The following LAMC1 variants were observed in gnomAD, a reference collection of about 807,000 sequenced individuals.
The protein encoded by LAMC1 is laminin subunit gamma 1, also known as laminin subunit gamma-1.
In LAMC1, 38 loss-of-function variants were observed where a neutral mutation model predicts 173.6. The ratio of observed to expected loss-of-function variants is 0.22; its 90% CI spans 0.17 to 0.29. The LOEUF is 0.29. LAMC1 is among the 10% of genes least tolerant of loss of function. LAMC1 has a pLI of 1.00. For missense variants in LAMC1, 1,824 were observed against 2,051.8 expected, an observed-to-expected ratio of 0.89 and a Z score of 2.14; for synonymous variants, 746 against 749.1, an observed-to-expected ratio of 1.00 and a Z score of 0.07.
chr1:183,044,116 G>C (rs1654206595), intron 1 of LAMC1, among the ~76,000 whole-genome samples: 1 of 152,038 alleles, frequency 6.6e-6, no homozygotes, highest in Non-Finnish European at 1.5e-5. Context: ...TGCCTGTTGT[G>C]TTCTGTCAGC....
chr1:183,136,332 CCCCTTT>C (rs771454140), intron 24 of LAMC1, 48 bp from the exon 25 acceptor site: 8 of 1,495,006 alleles, frequency 5.4e-6, no homozygotes, highest in Non-Finnish European at 7.5e-6. Flanking sequence ...CCTGAAAGGC[CCCCTTT>C]TTACTTGTTG....
At chr1:183,097,348 T>G (rs1209977540) in intron 1 of LAMC1, among the ~76,000 whole-genome samples, 2 of 152,214 alleles carry the variant, frequency 1.3e-5, no homozygotes, top group African/African-American at 4.8e-5. Context: ...AGCATTCCTT[T>G]TCTGACTTCC....
At chr1:183,045,474 T>A (rs1479878941) in intron 1 of LAMC1, among the ~76,000 whole-genome samples, 2 of 152,086 alleles carry the variant, frequency 1.3e-5, no homozygotes, top group Non-Finnish European at 2.9e-5. Context: ...AATTGGCAAC[T>A]TGCCAATTGA....
chr1:183,113,116 G>A (rs545967915), intron 4 of LAMC1, among the ~76,000 whole-genome samples: 1 of 152,190 alleles, frequency 6.6e-6, no homozygotes, highest in South Asian at 2.1e-4. Flanking sequence ...TTTGAGACCA[G>A]TCTGAGCAAC....
chr1:183,029,908 C>CA (rs1653805544), intron 1 of LAMC1, among the ~76,000 whole-genome samples: 2 of 152,106 alleles, frequency 1.3e-5, no homozygotes, highest in South Asian at 4.1e-4. Context: ...GCCCTGACCT[C>CA]ATTCTTAGAT....
Position 183,023,987 on chromosome 1 carries a change from C to T in LAMC1, c.271C>T (p.Leu91=), listed in dbSNP as rs1653610948. The change falls in exon 1 of 28, where the codon CTG becomes TTG. Residue 91 remains leucine (L), a synonymous_variant. Transcript: ENST00000258341. The stretch of plus-strand genomic sequence containing the variant: ...GACCGGGGTCACCAAGTCCTGTCAC[C>T]TGTGCGACGCCGGGCAGCCCCACCT... The part of the protein sequence containing the change: ...GVTGVTKSCH[L]CDAGQPHLQH... The T allele has an allele frequency of 2.5e-6, 4 of 1,613,224 alleles. No homozygotes were observed. The highest frequency in any genetic ancestry group is 3.4e-6 in the Non-Finnish European group (4 of 1,179,964).
At chr1:183,118,743 A>T (rs1656389846) in intron 11 of LAMC1, among the ~76,000 whole-genome samples, 1 of 151,724 alleles carries the variant, frequency 6.6e-6, no homozygotes, top group Non-Finnish European at 1.5e-5. Context: ...AAAAAATCTG[A>T]TTATAATTCT....
At chr1:183,096,913 A>T (rs954551858) in intron 1 of LAMC1, among the ~76,000 whole-genome samples, 18 of 152,184 alleles carry the variant, frequency 1.2e-4, no homozygotes, top group African/African-American at 4.3e-4. Flanking sequence ...ATGAGGACTG[A>T]GTTTTTCAGC....
chr1:183,038,427 G>C (rs1654040357), intron 1 of LAMC1, among the ~76,000 whole-genome samples: 1 of 152,168 alleles, frequency 6.6e-6, no homozygotes, highest in Admixed American at 6.5e-5. Flanking sequence ...GGCTTAAAAT[G>C]TCCTCAGTGT....
chr1:183,142,335 C>G (rs979173343), intron 27 of LAMC1, among the ~76,000 whole-genome samples, 199 bp from the exon 28 acceptor site: 1 of 152,206 alleles, frequency 6.6e-6, no homozygotes, highest in Non-Finnish European at 1.5e-5. Flanking sequence ...AGACCCATCC[C>G]TGCTGGGTTA....
chr1:183,078,397 C>T (rs576820869), intron 1 of LAMC1, among the ~76,000 whole-genome samples: 38 of 151,514 alleles, frequency 2.5e-4, no homozygotes, highest in South Asian at 4.2e-4. Flanking sequence ...CTGGCTAACA[C>T]GGTGAAACCT....
At chr1:183,136,025 G>A (rs1345028186) in intron 24 of LAMC1, among the ~76,000 whole-genome samples, 3 of 151,994 alleles carry the variant, frequency 2.0e-5, no homozygotes, top group Non-Finnish European at 2.9e-5. Flanking sequence ...AAATGATACA[G>A]CCTATTTTAT....
chr1:183,134,542 C>A (rs1656884656), intron 22 of LAMC1, 118 bp from the exon 23 acceptor site: 4 of 715,846 alleles, frequency 5.6e-6, no homozygotes, highest in East Asian at 5.3e-5. Flanking sequence ...AAATCTTGAT[C>A]TGTGCAGTTC....
At chr1:183,042,049 G>A (rs1654149364) in intron 1 of LAMC1, among the ~76,000 whole-genome samples, 1 of 152,192 alleles carries the variant, frequency 6.6e-6, no homozygotes, top group Non-Finnish European at 1.5e-5. Flanking sequence ...GTAAGTCACT[G>A]TATCAAAGAG....
intron 2 of LAMC1, among the ~76,000 whole-genome samples, chr1:183,105,840 C>A (rs1655965351): frequency 6.6e-6 from 1 of 152,124 alleles, no homozygotes; most frequent in African/African-American, 2.4e-5. Flanking sequence ...CCTAAACCTC[C>A]CTGCAGAAGC....
intron 1 of LAMC1, among the ~76,000 whole-genome samples, chr1:183,052,438 G>C (rs1654455434): frequency 1.3e-5 from 2 of 151,952 alleles, no homozygotes; most frequent in Non-Finnish European, 2.9e-5. Context: ...GGTTCAAGCA[G>C]TTCTCATGCT....
chr1:183,078,995 T>TA (rs534602950), intron 1 of LAMC1, among the ~76,000 whole-genome samples: 144 of 152,156 alleles, frequency 9.5e-4, no homozygotes, highest in African/African-American at 3.1e-3. Context: ...AACTCTGTCT[T>TA]AAAAAACAAA....
At chr1:183,057,234 A>C (rs1654620785) in intron 1 of LAMC1, among the ~76,000 whole-genome samples, 1 of 152,260 alleles carries the variant, frequency 6.6e-6, no homozygotes, top group Non-Finnish European at 1.5e-5. Flanking sequence ...AAAGGTATTT[A>C]GTAGTGGAAG....
intron 1 of LAMC1, among the ~76,000 whole-genome samples, chr1:183,059,585 C>A (rs1002756643): frequency 1.3e-5 from 2 of 152,134 alleles, no homozygotes; most frequent in Non-Finnish European, 2.9e-5. Context: ...TGAGTGGCCA[C>A]CTAATTTCAG....
Sources: gnomAD v4.1 joint callset for allele counts (sites outside exome capture counted in the v4.1 genomes callset) on GRCh38, gnomAD v4.1.1 for gene constraint, MANE v1.5 for transcripts, NCBI Gene and HGNC (gene_info 2026-07-23, HGNC 2026-07-21) for gene names.